CARMIL1: variants seen among roughly 807,000 people sequenced by gnomAD.
CARMIL1 encodes F-actin-uncapping protein LRRC16A.
In CARMIL1, 90 loss-of-function variants were observed where a neutral mutation model predicts 177.1. That is an observed-to-expected ratio of 0.51 (90% CI 0.43 to 0.61). CARMIL1 has a LOEUF of 0.61. Among genes scored for constraint, CARMIL1 ranks in the 20% least tolerant of loss-of-function variants. The pLI is 0.00. For missense variants in CARMIL1, 1,380 were observed against 1,667.0 expected, an observed-to-expected ratio of 0.83 and a Z score of 3.00; for synonymous variants, 577 against 606.2, an observed-to-expected ratio of 0.95 and a Z score of 0.71.
At chr6:25,321,290 AATAG>A (rs1217228083) in intron 2 of CARMIL1, among the ~76,000 whole-genome samples, 1 of 152,174 alleles carries the variant, frequency 6.6e-6, no homozygotes, top group Non-Finnish European at 1.5e-5. Context: ...GCAAAACAAG[AATAG>A]AGTCTTTGCA....
intron 12 of CARMIL1, among the ~76,000 whole-genome samples, chr6:25,484,354 T>C (rs966709913): frequency 2.0e-5 from 3 of 152,248 alleles, no homozygotes; most frequent in Non-Finnish European, 2.9e-5. Flanking sequence ...TACACTATTC[T>C]GAACATGCAG....
intron 2 of CARMIL1, among the ~76,000 whole-genome samples, chr6:25,293,985 G>C (rs888920623): frequency 6.6e-6 from 1 of 152,224 alleles, no homozygotes; most frequent in Non-Finnish European, 1.5e-5. Context: ...GCCTCCCAAA[G>C]TGCTGGAATT....
chr6:25,491,609 C>T, intron 13 of CARMIL1, 123 bp from the exon 14 acceptor site: 2 of 572,392 alleles, frequency 3.5e-6, no homozygotes, highest in East Asian at 5.8e-5. Flanking sequence ...TCTGATAATC[C>T]CCTTGGGAAG....
intron 16 of CARMIL1, among the ~76,000 whole-genome samples, chr6:25,495,928 C>T (rs1275696397): frequency 4.6e-5 from 7 of 152,046 alleles, no homozygotes; most frequent in African/African-American, 1.5e-4. Flanking sequence ...CAAGTAGTTA[C>T]GATTATGAAA....
intron 26 of CARMIL1, among the ~76,000 whole-genome samples, chr6:25,544,169 AAAAC>A (rs1809194950): frequency 6.6e-6 from 1 of 152,172 alleles, no homozygotes; most frequent in South Asian, 2.1e-4. Flanking sequence ...CCCCAAAAAG[AAAAC>A]AGAGACTAGG....
intron 4 of CARMIL1, 37 bp from the exon 5 acceptor site, chr6:25,435,446 G>A (rs1336825816): frequency 1.3e-6 from 2 of 1,544,812 alleles, no homozygotes; most frequent in Non-Finnish European, 1.7e-6. Flanking sequence ...GAAGGAATTG[G>A]ACTCATTCTT....
intron 2 of CARMIL1, among the ~76,000 whole-genome samples, chr6:25,341,175 C>T (rs114688731): frequency 0.012 from 1,749 of 151,782 alleles, 31 homozygotes; most frequent in African/African-American, 0.04. Context: ...AGGCTTTGGG[C>T]GTTTAGGTAT....
intron 2 of CARMIL1, among the ~76,000 whole-genome samples, chr6:25,316,397 G>C (rs960669193): frequency 2.7e-5 from 4 of 150,052 alleles, no homozygotes; most frequent in African/African-American, 2.4e-5. Flanking sequence ...ACTGATTTTA[G>C]ATGAGATAGT....
intron 2 of CARMIL1, among the ~76,000 whole-genome samples, chr6:25,387,318 GC>G (rs908458776): frequency 6.6e-6 from 1 of 152,108 alleles, no homozygotes; most frequent in African/African-American, 2.4e-5. Flanking sequence ...CAGCATTTGG[GC>G]CACAACTTTT....
chr6:25,280,812 C>A (rs1004832322), intron 1 of CARMIL1, among the ~76,000 whole-genome samples: 2 of 151,992 alleles, frequency 1.3e-5, no homozygotes, highest in Non-Finnish European at 2.9e-5. Flanking sequence ...CCTCCTGTAC[C>A]ATTCTTGGCA....
intron 26 of CARMIL1, among the ~76,000 whole-genome samples, chr6:25,550,287 T>C (rs1809953415): frequency 1.3e-5 from 2 of 152,362 alleles, no homozygotes; most frequent in African/African-American, 4.8e-5. Context: ...TTACTATTAA[T>C]GCTGTCTATA....
chr6:25,488,681 C>G, intron 13 of CARMIL1, 96 bp downstream of exon 13: 1 of 973,996 alleles, frequency 1.0e-6, no homozygotes, highest in Non-Finnish European at 1.7e-6. Flanking sequence ...TTTCCTGCCT[C>G]TCTCTTTGTC....
intron 36 of CARMIL1, among the ~76,000 whole-genome samples, chr6:25,615,965 G>A (rs1450444539): frequency 2.6e-5 from 4 of 152,106 alleles, no homozygotes; most frequent in Non-Finnish European, 5.9e-5. Context: ...TATCACGTTC[G>A]AGCCTCTCTG....
chr6:25,377,715 G>A (rs1013290427), intron 2 of CARMIL1, among the ~76,000 whole-genome samples: 4 of 152,160 alleles, frequency 2.6e-5, no homozygotes, highest in African/African-American at 9.7e-5. Flanking sequence ...AGGATCTCTT[G>A]GTTAGCCAGG....
chr6:25,303,707 A>G (rs1187835794), intron 2 of CARMIL1, among the ~76,000 whole-genome samples: 1 of 152,250 alleles, frequency 6.6e-6, no homozygotes, highest in African/African-American at 2.4e-5. Context: ...AACGCTGTAC[A>G]AATTAGCCAA....
intron 2 of CARMIL1, among the ~76,000 whole-genome samples, chr6:25,316,305 A>G (rs7756273): frequency 3.3e-5 from 5 of 152,268 alleles, no homozygotes; most frequent in Admixed American, 2.6e-4. Context: ...GCGTTTGTCT[A>G]GAAACACTGT....
chr6:25,546,159 G>A (rs1809445220), intron 26 of CARMIL1, among the ~76,000 whole-genome samples: 1 of 151,844 alleles, frequency 6.6e-6, no homozygotes, highest in Admixed American at 6.6e-5. Context: ...TTAAATAGGG[G>A]AAAATATTTC....
chr6:25,373,195 T>G (rs1483748103), intron 2 of CARMIL1, among the ~76,000 whole-genome samples: 1 of 152,118 alleles, frequency 6.6e-6, no homozygotes, highest in African/African-American at 2.4e-5. Context: ...TCAAGGGTAT[T>G]GTTCTGTAGT....
chr6:25,472,676 T>C (rs939322422), intron 11 of CARMIL1, 155 bp downstream of exon 11: 2 of 590,386 alleles, frequency 3.4e-6, no homozygotes, highest in Non-Finnish European at 6.0e-6. Flanking sequence ...CCCTTTCATA[T>C]AAATGCTTAT....
Sources: allele counts gnomAD v4.1 joint callset (sites outside exome capture counted in the v4.1 genomes callset), GRCh38; gene constraint gnomAD v4.1.1; transcripts MANE v1.5; gene names NCBI Gene and HGNC (gene_info 2026-07-23, HGNC 2026-07-21).